KCNH1: variants seen among roughly 807,000 people sequenced by gnomAD.
KCNH1 encodes voltage-gated delayed rectifier potassium channel KCNH1.
KCNH1 carries 27 observed loss-of-function variants against 69.2 expected under a neutral mutation model. The ratio of observed to expected loss-of-function variants is 0.39; its 90% CI spans 0.29 to 0.54. The LOEUF (loss-of-function observed/expected upper bound fraction) is 0.54, where lower values mean the gene tolerates loss of function less well. KCNH1 is among the 20% of genes least tolerant of loss of function. The pLI is 0.68. For synonymous variants in KCNH1, 456 were observed against 487.7 expected (o/e 0.93, Z 0.86); for missense variants, 798 against 1,261.6 (o/e 0.63, Z 5.57).
intron 6 of KCNH1, among the ~76,000 whole-genome samples, chr1:210,934,216 A>G (rs959647560): frequency 1.3e-5 from 2 of 152,246 alleles, no homozygotes; most frequent in African/African-American, 4.8e-5. Flanking sequence ...GCTTCTGTAA[A>G]GCAAAGGAAA....
chr1:211,102,082 A>C (rs552341395), intron 3 of KCNH1, among the ~76,000 whole-genome samples: 1 of 152,248 alleles, frequency 6.6e-6, no homozygotes, highest in Non-Finnish European at 1.5e-5. Flanking sequence ...ACAGATCTTC[A>C]AATATCAGAA....
At chr1:210,856,723 A>AAACTAATCCT (rs774932708) in intron 7 of KCNH1, among the ~76,000 whole-genome samples, 1,534 of 148,434 alleles carry the variant, frequency 0.01, 12 homozygotes, top group South Asian at 0.017. Context: ...AATGGTTCTT[A>AAACTAATCCT]CCCAGAGGAG....
intron 7 of KCNH1, among the ~76,000 whole-genome samples, chr1:210,903,411 G>C (rs1687035517): frequency 6.6e-6 from 1 of 152,112 alleles, no homozygotes; most frequent in Non-Finnish European, 1.5e-5. Flanking sequence ...TCTCTGGCAG[G>C]ACTTGGGAAG....
chr1:210,886,688 T>C (rs534976245), intron 7 of KCNH1, among the ~76,000 whole-genome samples: 1 of 151,810 alleles, frequency 6.6e-6, no homozygotes, highest in African/African-American at 2.4e-5. Context: ...ATAACAAGTT[T>C]AGAGAAAAAT....
intron 5 of KCNH1, among the ~76,000 whole-genome samples, chr1:211,024,599 G>T (rs780993894): frequency 1.3e-5 from 2 of 152,110 alleles, no homozygotes; most frequent in Non-Finnish European, 2.9e-5. Context: ...TTAGGTAAAA[G>T]AATAATAATC....
chr1:210,932,854 T>G (rs1225736235), intron 6 of KCNH1, among the ~76,000 whole-genome samples: 1 of 152,114 alleles, frequency 6.6e-6, no homozygotes, highest in African/African-American at 2.4e-5. Flanking sequence ...CTCTCAGATA[T>G]ATAAAGCAAA....
chr1:210,687,685 AACTTCG>A (rs1681435150), intron 10 of KCNH1, among the ~76,000 whole-genome samples: 1 of 152,202 alleles, frequency 6.6e-6, no homozygotes, highest in Admixed American at 6.5e-5. Context: ...TCTGCTTACT[AACTTCG>A]ACTGCTTTTC....
chr1:210,843,554 C>A (rs1214887629), intron 7 of KCNH1, among the ~76,000 whole-genome samples: 1 of 152,130 alleles, frequency 6.6e-6, no homozygotes, highest in Non-Finnish European at 1.5e-5. Context: ...TCTCTCAACA[C>A]CTGACATACT....
chr1:210,931,316 C>T (rs1687676348), intron 6 of KCNH1, among the ~76,000 whole-genome samples: 1 of 152,058 alleles, frequency 6.6e-6, no homozygotes, highest in African/African-American at 2.4e-5. Context: ...AATATATATA[C>T]CGTGGAATAC....
At chr1:211,126,831 T>C (rs1691785988) in intron 1 of KCNH1, among the ~76,000 whole-genome samples, 1 of 151,950 alleles carries the variant, frequency 6.6e-6, no homozygotes, top group Non-Finnish European at 1.5e-5. Flanking sequence ...AGCAATGGGA[T>C]ATCCCAGAGG....
rs138041071 is a variant in KCNH1 at position 211,099,602 on chromosome 1, C to T, written c.310+3894G>A. On this transcript the variant is annotated intron_variant, in intron 3 of 10. Coordinates refer to ENST00000271751, the MANE Select transcript of KCNH1 (RefSeq NM_172362.3). The stretch of plus-strand genomic sequence containing the variant: ...CAGTGGACTCCTCTCCTCCTGCTCA[C>T]TCCCTGGCTCTGACGCCCTCACTTT... 2.4e-4 allele frequency among the ~76,000 whole-genome samples: 36 copies of T among 152,338 alleles called. No individual in the cohort carries two copies. In the East Asian group the frequency reaches 6.7e-3, roughly 29 times the overall value.
chr1:211,010,277 G>T (rs1023232614), intron 6 of KCNH1, among the ~76,000 whole-genome samples: 2 of 152,094 alleles, frequency 1.3e-5, no homozygotes, highest in Non-Finnish European at 2.9e-5. Context: ...ATCACAGTAG[G>T]TTCAAGGAAT....
At position 210,684,018 on chromosome 1, in the gene KCNH1, G is replaced by T; in HGVS notation, c.2233C>A (p.Arg745=). The change falls in exon 11 of 11, where the codon CGA becomes AGA. Residue 745 remains arginine (R), a synonymous_variant. Transcript: ENST00000271751. ...GCCAGCCTGGCCTCTTTCTGCTGTC[G>T]GAATCTCTGGAAGAGGCGCCGGACA... The part of the protein sequence containing the change: ...HPVRRLFQRF[R]QQKEARLAAE... The T allele has an allele frequency of 6.3e-7, 1 of 1,593,136 alleles. No individual in the cohort carries two copies.
intron 7 of KCNH1, among the ~76,000 whole-genome samples, chr1:210,898,318 T>C (rs1247302650): frequency 6.6e-6 from 1 of 152,186 alleles, no homozygotes; most frequent in Non-Finnish European, 1.5e-5. Flanking sequence ...AAATATGCCA[T>C]TTAATTATTC....
intron 1 of KCNH1, among the ~76,000 whole-genome samples, chr1:211,116,374 C>T (rs535594227): frequency 6.6e-6 from 1 of 152,176 alleles, no homozygotes; most frequent in African/African-American, 2.4e-5. Context: ...AGAGCCACAA[C>T]TTGCAAATTT....
At chr1:210,977,766 T>C (rs1260665301) in intron 6 of KCNH1, among the ~76,000 whole-genome samples, 2 of 152,138 alleles carry the variant, frequency 1.3e-5, no homozygotes, top group African/African-American at 2.4e-5. Context: ...ATTTTTTGCT[T>C]TTATTAATAT....
intron 7 of KCNH1, chr1:210,859,550 C>A: frequency 1.3e-6 from 2 of 1,584,436 alleles, no homozygotes; most frequent in Middle Eastern, 1.7e-4. Flanking sequence ...TCCAAATATT[C>A]TTTCCCATCT....
chr1:210,995,888 G>A (rs1689023393), intron 6 of KCNH1, among the ~76,000 whole-genome samples: 1 of 152,168 alleles, frequency 6.6e-6, no homozygotes, highest in Non-Finnish European at 1.5e-5. Flanking sequence ...GTAATATGCT[G>A]TGGGGGCTGA....
intron 10 of KCNH1, among the ~76,000 whole-genome samples, chr1:210,697,910 G>A (rs1350011763): frequency 6.6e-6 from 1 of 152,240 alleles, no homozygotes; most frequent in East Asian, 1.9e-4. Context: ...AGCAGATAAT[G>A]CAAAATTAGG....
Sources: gnomAD v4.1 joint callset for allele counts (sites outside exome capture counted in the v4.1 genomes callset) on GRCh38, gnomAD v4.1.1 for gene constraint, MANE v1.5 for transcripts, NCBI Gene and HGNC (gene_info 2026-07-23, HGNC 2026-07-21) for gene names.